IL2RA: variants seen among roughly 807,000 people sequenced by gnomAD.
IL2RA encodes the protein interleukin 2 receptor subunit alpha.
Under a neutral mutation model 37.8 loss-of-function variants are expected in IL2RA, and 24 were observed. The ratio of observed to expected loss-of-function variants is 0.63; its 90% CI spans 0.46 to 0.89. The LOEUF is 0.89. IL2RA is among the 40% of genes least tolerant of loss of function. IL2RA has a pLI of 0.00. For missense variants in IL2RA, 319 were observed against 348.6 expected (o/e 0.92, Z 0.68); for synonymous variants, 125 against 114.6 (o/e 1.09, Z -0.58).
Position 6,021,307 on chromosome 10 carries a change from G to A in IL2RA, c.583+171C>T, listed in dbSNP as rs1387997919. Among the ~76,000 whole-genome samples the A allele has an allele frequency of 1.3e-5, 1 of 75,870 alleles. No individual in the cohort carries two copies. 49.8% of individuals were successfully genotyped at this position (75,870 alleles called of 152,430 possible). Reference sequence around the variant, plus strand: ...GAGCCCTTAGAGTCCATCTGATCTGGTCTATTTAAATTTTTTTTTTTTTCT... The same window carrying A: ...GAGCCCTTAGAGTCCATCTGATCTGATCTATTTAAATTTTTTTTTTTTTCT... On this transcript the variant is annotated intron_variant, in intron 4 of 7. Coordinates refer to ENST00000379959, the MANE Select transcript of IL2RA (RefSeq NM_000417.3). The surrounding 1 kb of genome is among the most constrained non-coding windows in gnomAD (Gnocchi z 4.9).
At chr10:6,027,198 T>C (rs1180751815) in intron 1 of IL2RA, among the ~76,000 whole-genome samples, 1 of 152,098 alleles carries the variant, frequency 6.6e-6, no homozygotes, top group African/African-American at 2.4e-5. Context: ...TGGTGGCATG[T>C]GCCTGTGGTC....
intron 7 of IL2RA, among the ~76,000 whole-genome samples, 183 bp downstream of exon 7, chr10:6,017,870 A>G (rs1024185727): frequency 2.6e-5 from 4 of 151,938 alleles, no homozygotes; most frequent in Non-Finnish European, 5.9e-5. Context: ...GAGCCACTGC[A>G]CCCGGCGGTG....
intron 1 of IL2RA, among the ~76,000 whole-genome samples, chr10:6,031,258 G>A (rs1839570024): frequency 6.6e-6 from 1 of 151,340 alleles, no homozygotes; most frequent in African/African-American, 2.4e-5. Context: ...GATGGGTTGA[G>A]AAAACAGGAT....
chr10:6,043,193 TAAAA>T (rs1429958531), intron 1 of IL2RA, among the ~76,000 whole-genome samples: 3 of 152,166 alleles, frequency 2.0e-5, no homozygotes, highest in Admixed American at 6.6e-5. Context: ...GTACAGTTGT[TAAAA>T]AGAATAAACA....
chr10:6,025,999 T>C lies in IL2RA; in HGVS notation c.91A>G (p.Ile31Val). Residue 31 changes from isoleucine (I) to valine (V), a missense_variant, in exon 2 of 8, where the codon ATC (isoleucine) becomes GTC (valine). By Grantham distance (29) the Ile-to-Val change is conservative. Transcript: ENST00000379959. The surrounding 1 kb of genome is among the most constrained non-coding windows in gnomAD (Gnocchi z 4.4). The part of the protein sequence containing the change: ...AELCDDDPPE[I>V]PHATFKAMAY... ...ATGGCTTTGAATGTGGCGTGTGGGA[T>C]CTCTGGCGGGTCATCGTCACAGAGC... The C allele has an allele frequency of 6.2e-7, 1 of 1,613,462 alleles. No homozygotes were observed.
rs370320612 is a variant in IL2RA at position 6,012,978 on chromosome 10, C to T, written c.795-82G>A. The T allele has an allele frequency of 8.1e-4, 1,052 of 1,304,362 alleles. 11 individuals carry two copies. Among genetic ancestry groups the T allele is most frequent in the Middle Eastern group, 3.6e-4 (2 of 5,512 alleles). The allele number at this position is 1,304,362 out of a possible 1,614,324, so 80.8% of individuals were successfully genotyped here. On this transcript the variant is annotated intron_variant, in intron 7 of 7. Transcript: ENST00000379959. The surrounding 1 kb of genome is among the most constrained non-coding windows in gnomAD (Gnocchi z 4.8). ...GGTCCTCACTCTAAACCAGTGCACA[C>T]GCCACCATGCCTGGCTAATTTTTGT...
At chr10:6,013,378 T>C (rs1223449965) in intron 7 of IL2RA, among the ~76,000 whole-genome samples, 1 of 152,234 alleles carries the variant, frequency 6.6e-6, no homozygotes, top group Non-Finnish European at 1.5e-5. Context: ...TTATTTGAGT[T>C]TAAATACACT....
chr10:6,034,689 A>G (rs1429198433), intron 1 of IL2RA, among the ~76,000 whole-genome samples: 2 of 152,154 alleles, frequency 1.3e-5, no homozygotes, highest in African/African-American at 2.4e-5. Flanking sequence ...ACTTCTCAAA[A>G]TTCAGCTAAC....
chr10:6,059,788 A>G (rs1250613063), intron 1 of IL2RA, among the ~76,000 whole-genome samples: 1 of 152,006 alleles, frequency 6.6e-6, no homozygotes, highest in Admixed American at 6.5e-5. Context: ...CTCCCTTTAC[A>G]TGTCATCCTC....
At chr10:6,049,340 C>A (rs760289008) in intron 1 of IL2RA, among the ~76,000 whole-genome samples, 1 of 152,222 alleles carries the variant, frequency 6.6e-6, no homozygotes, top group Admixed American at 6.5e-5. Flanking sequence ...CCCCACCACA[C>A]TGGTGAGGGT....
At position 6,030,083 on chromosome 10, in the gene IL2RA, A is replaced by G. The variant is rs12722548; in HGVS notation, c.65-4058T>C. On this transcript the variant is annotated intron_variant, in intron 1 of 7. Transcript: ENST00000379959. ...CCTAGCCGGGGCTTGAAGGCAAATC[A>G]ATAGAAATTATCCAAACTGATGAAC... Among the ~76,000 whole-genome samples the G allele has an allele frequency of 4.7e-3, 717 of 152,332 alleles. 4 individuals are homozygous for G. The highest frequency in any genetic ancestry group is 0.013 in the South Asian group (64 of 4,828).
rs145074882 is a variant in IL2RA at position 6,032,266 on chromosome 10, A to C, written c.65-6241T>G. ...GTAACCATAAAAGGCAAAACTAAAA[A>C]GATTTCAGAAGAAAATTAAGGCAAA... On this transcript the variant is annotated intron_variant, in intron 1 of 7. Coordinates refer to ENST00000379959, the MANE Select transcript of IL2RA (RefSeq NM_000417.3). Among the ~76,000 whole-genome samples, 1,156 of 152,324 alleles carry C rather than the reference A, an allele frequency of 7.6e-3. 28 individuals carry two copies. Among genetic ancestry groups the C allele is most frequent in the African/African-American group, 0.026 (1,083 of 41,572 alleles).
At position 6,047,891 on chromosome 10, in the gene IL2RA, GTAAT is replaced by G. The variant is rs1181350144; in HGVS notation, c.64+14193_64+14196del. On this transcript the variant is annotated intron_variant, in intron 1 of 7. Coordinates refer to ENST00000379959, the MANE Select transcript of IL2RA (RefSeq NM_000417.3). This position sits in a 1 kb window ranked among gnomAD's most constrained non-coding sequence, Gnocchi z 5.0. ...TATAATTAAAATTATTACTTATGCA[GTAAT>G]TAATTATGAGGTGATGTGTTCTTCT... 7.9e-5 allele frequency among the ~76,000 whole-genome samples: 12 copies of G among 152,054 alleles called. No individual in the cohort carries two copies. The highest frequency in any genetic ancestry group is 2.4e-4 in the African/African-American group (10 of 41,386).
At chr10:6,038,530 T>G (rs957879579) in intron 1 of IL2RA, among the ~76,000 whole-genome samples, 3 of 152,208 alleles carry the variant, frequency 2.0e-5, no homozygotes, top group African/African-American at 7.2e-5. Context: ...TCAGAGAGAT[T>G]AAGTAAGTTG....
chr10:6,029,562 T>C lies in IL2RA; in HGVS notation c.65-3537A>G, dbSNP rs1352944646. On this transcript the variant is annotated intron_variant, in intron 1 of 7. Transcript: ENST00000379959. The surrounding 1 kb of genome is among the most constrained non-coding windows in gnomAD (Gnocchi z 4.6). ...TTTCTGCTATAATGGCAGAGTTGAG[T>C]AGTTGCAGTGGAGTAACATCGCCAG... 6.6e-6 allele frequency among the ~76,000 whole-genome samples: 1 copy of C among 152,148 alleles called. No homozygotes were observed. The highest frequency in any genetic ancestry group is 1.5e-5 in the Non-Finnish European group (1 of 68,024).
intron 1 of IL2RA, among the ~76,000 whole-genome samples, chr10:6,061,009 A>G (rs184699349): frequency 2.6e-4 from 39 of 152,318 alleles, no homozygotes; most frequent in East Asian, 1.3e-3. Flanking sequence ...CTTCCTGAGT[A>G]AGCAAAGGGA....
chr10:6,042,512 G>A (rs1397844022), intron 1 of IL2RA, among the ~76,000 whole-genome samples: 1 of 152,004 alleles, frequency 6.6e-6, no homozygotes, highest in Non-Finnish European at 1.5e-5. Flanking sequence ...GAACACCCCA[G>A]CTAATGCAAT....
At position 6,012,867 on chromosome 10, in the gene IL2RA, GT is replaced by G. The variant is rs752490211; in HGVS notation, c.*4del. 19 of 1,613,710 alleles carry G rather than the reference GT, an allele frequency of 1.2e-5. No homozygotes were observed. Among genetic ancestry groups the G allele is most frequent in the Non-Finnish European group, 1.5e-5 (18 of 1,179,764 alleles). Reference sequence around the variant, plus strand: ...TTACCAAGAAATTCTTGTTCTTTTGGTTTTCTAGATTGTTCTTCTACTCTTC... The same window carrying G: ...TTACCAAGAAATTCTTGTTCTTTTGGTTTCTAGATTGTTCTTCTACTCTTC... On this transcript the variant is annotated 3_prime_UTR_variant, in exon 8 of 8. Coordinates refer to ENST00000379959, the MANE Select transcript of IL2RA (RefSeq NM_000417.3). The surrounding 1 kb of genome is among the most constrained non-coding windows in gnomAD (Gnocchi z 4.8).
intron 3 of IL2RA, 122 bp downstream of exon 3, chr10:6,024,122 G>A (rs140144132): frequency 5.8e-4 from 421 of 727,318 alleles, no homozygotes; most frequent in Non-Finnish European, 9.3e-4. Flanking sequence ...TTGGGAGGAC[G>A]GAGCCACATG....
Sources: allele counts gnomAD v4.1 joint callset (sites outside exome capture counted in the v4.1 genomes callset), GRCh38; gene constraint gnomAD v4.1.1; non-coding constraint Gnocchi (gnomAD v3.1); transcripts MANE v1.5; gene names NCBI Gene and HGNC (gene_info 2026-07-23, HGNC 2026-07-21).